DNAH6: variants seen among roughly 807,000 people sequenced by gnomAD.
The protein encoded by DNAH6 is dynein axonemal heavy chain 6.
A neutral mutation model predicts 491.4 loss-of-function variants in DNAH6; 340 were observed. That is an observed-to-expected ratio of 0.69 (90% CI 0.63 to 0.76). The LOEUF (loss-of-function observed/expected upper bound fraction) is 0.76, where lower values mean the gene tolerates loss of function less well. Among genes scored for constraint, DNAH6 ranks in the 30% least tolerant of loss-of-function variants. The pLI is 0.00. For missense variants in DNAH6, 4,443 were observed against 4,972.2 expected (o/e 0.89, Z 3.20); for synonymous variants, 1,603 against 1,686.1 (o/e 0.95, Z 1.21).
At chr2:84,652,182 C>A (rs1260199115) in intron 33 of DNAH6, among the ~76,000 whole-genome samples, 1 of 151,964 alleles carries the variant, frequency 6.6e-6, no homozygotes, top group Admixed American at 6.6e-5. Context: ...ATAGGGTTTG[C>A]ACATTTTTTA....
intron 18 of DNAH6, among the ~76,000 whole-genome samples, chr2:84,599,239 A>G (rs1684987917): frequency 2.3e-5 from 1 of 44,328 alleles, no homozygotes; most frequent in African/African-American, 3.6e-5. Context: ...TTTTTTTCAG[A>G]TATGTAACTT....
At chr2:84,637,706 T>A (rs1261660341) in intron 31 of DNAH6, among the ~76,000 whole-genome samples, 1 of 152,196 alleles carries the variant, frequency 6.6e-6, no homozygotes, top group African/African-American at 2.4e-5. Flanking sequence ...ACACAGATTA[T>A]TTTTATTTCT....
chr2:84,812,275 A>G (rs1331154305), intron 72 of DNAH6, 66 bp from the exon 73 acceptor site: 83 of 1,421,994 alleles, frequency 5.8e-5, no homozygotes, highest in Non-Finnish European at 7.7e-5. Flanking sequence ...GCTGTCATTA[A>G]TGTGTGTCAC....
chr2:84,672,192 C>T (rs1025824182), intron 39 of DNAH6, 135 bp from the exon 40 acceptor site: 2 of 846,048 alleles, frequency 2.4e-6, no homozygotes, highest in Non-Finnish European at 3.5e-6. Flanking sequence ...GTCTCTCCTC[C>T]TCCAGGCAGG....
At chr2:84,564,905 T>C (rs888020793) in intron 11 of DNAH6, among the ~76,000 whole-genome samples, 2 of 152,194 alleles carry the variant, frequency 1.3e-5, no homozygotes, top group Non-Finnish European at 2.9e-5. Flanking sequence ...TGAAGGGATG[T>C]TGGATTTTAT....
At chr2:84,496,780 A>G in the DNAH6 span, among the ~76,000 whole-genome samples, 5 of 152,156 alleles carry the variant, frequency 3.3e-5, no homozygotes, top group Non-Finnish European at 7.4e-5. Flanking sequence ...ACATTTATAT[A>G]CCCATGTAAC....
chr2:84,792,558 C>T (rs537103441), intron 68 of DNAH6, among the ~76,000 whole-genome samples: 78 of 151,928 alleles, frequency 5.1e-4, no homozygotes, highest in East Asian at 1.6e-3. Context: ...AATAAAGGCG[C>T]GGGGGTGAGG....
chr2:84,786,133 T>TGAAA (rs1677161526), intron 67 of DNAH6, among the ~76,000 whole-genome samples: 2 of 151,390 alleles, frequency 1.3e-5, no homozygotes, highest in Non-Finnish European at 2.9e-5. Context: ...AATGAATGAA[T>TGAAA]GAATGAATCA....
chr2:84,520,025 ATTC>A (rs1675993810), intron 2 of DNAH6, among the ~76,000 whole-genome samples: 2 of 44,100 alleles, frequency 4.5e-5, no homozygotes, highest in African/African-American at 6.9e-5. Context: ...TTACTAAATC[ATTC>A]TCCTCTTTTG....
chr2:84,785,670 A>G lies in DNAH6; in HGVS notation c.11014A>G (p.Thr3672Ala). 1 of 1,548,802 alleles carries G rather than the reference A, an allele frequency of 6.5e-7. No individual in the cohort carries two copies. Among genetic ancestry groups the G allele is most frequent in the Non-Finnish European group, 8.7e-7 (1 of 1,146,124 alleles). The change falls in exon 67 of 77, where the codon ACA (threonine) becomes GCA (alanine). Residue 3672 changes from threonine (T) to alanine (A), a missense_variant. Thr to Ala is a moderately conservative substitution (Grantham distance 58). Transcript: ENST00000389394. ...ANIRRAFTEM[T>A]PSFFEENILG... is the part of the protein sequence containing the mutation. ...TATCAGACGAGCATTTACTGAAATG[A>G]CACCTTCGTTTTTTGAAGAAAATAT...
rs1233779420 is a variant in DNAH6, at chr2:84,814,085, CAG to C, written c.12114_12115del (p.Val4039AlafsTer16). The C allele has an allele frequency of 4.1e-5, 64 of 1,551,600 alleles. No homozygotes were observed. Among genetic ancestry groups the C allele is most frequent in the Non-Finnish European group, 5.4e-5 (62 of 1,146,994 alleles). On this transcript the variant is annotated frameshift_variant, in exon 75 of 77. Transcript: ENST00000389394. LOFTEE classifies it high-confidence loss of function. ...GCTGCAGTGATAGAAGCTGCCAAGA[CAG>C]TGCAATTTGGACAAGAACTGCCCAT...
the DNAH6 span, among the ~76,000 whole-genome samples, chr2:84,488,532 C>T: frequency 6.6e-6 from 1 of 152,106 alleles, no homozygotes; most frequent in Admixed American, 6.5e-5. Context: ...CTAGAGGCCA[C>T]CCACATTCCT....
At chr2:84,529,223 A>C in intron 4 of DNAH6, 57 bp downstream of exon 4, 6 of 1,188,480 alleles carry the variant, frequency 5.0e-6, no homozygotes, top group Non-Finnish European at 6.9e-6. Flanking sequence ...GATTTCACAT[A>C]TTATTTATAA....
At chr2:84,590,735 A>ATAAT (rs1684039432) in intron 16 of DNAH6, among the ~76,000 whole-genome samples, 1 of 152,190 alleles carries the variant, frequency 6.6e-6, no homozygotes, top group Non-Finnish European at 1.5e-5. Flanking sequence ...AGCCAGTAGA[A>ATAAT]TAATTCCTAA....
intron 62 of DNAH6, among the ~76,000 whole-genome samples, chr2:84,744,270 A>C (rs1353860707): frequency 6.6e-6 from 1 of 152,162 alleles, no homozygotes; most frequent in Non-Finnish European, 1.5e-5. Context: ...CAACCCAAGA[A>C]ACCTGTTTCC....
chr2:84,494,036 C>G, the DNAH6 span, among the ~76,000 whole-genome samples: 5 of 152,134 alleles, frequency 3.3e-5, no homozygotes, highest in African/African-American at 4.8e-5. Context: ...ACAGAATGGA[C>G]AGAGTGAGAT....
chr2:84,756,762 G>C (rs775701399), intron 63 of DNAH6, among the ~76,000 whole-genome samples: 1 of 152,178 alleles, frequency 6.6e-6, no homozygotes, highest in African/African-American at 2.4e-5. Context: ...CTTCAAAAAA[G>C]TATTCCTCTG....
chr2:84,813,269 G>A (rs1192362), intron 74 of DNAH6, 139 bp downstream of exon 74: 35 of 663,614 alleles, frequency 5.3e-5, no homozygotes, highest in Middle Eastern at 3.0e-4. Context: ...TAACAAGGTC[G>A]TGCTCTTCCT....
chr2:84,507,031 G>A, the DNAH6 span, among the ~76,000 whole-genome samples: 1 of 152,094 alleles, frequency 6.6e-6, no homozygotes, highest in Non-Finnish European at 1.5e-5. Context: ...TTGGCTTAGG[G>A]TTGACTTGGC....
Sources: gnomAD v4.1 joint callset for allele counts (sites outside exome capture counted in the v4.1 genomes callset) on GRCh38, gnomAD v4.1.1 for gene constraint, MANE v1.5 for transcripts, NCBI Gene and HGNC (gene_info 2026-07-23, HGNC 2026-07-21) for gene names.